EYS: variants seen among roughly 807,000 people sequenced by gnomAD.
The protein encoded by EYS is protein eyes shut homolog.
In EYS, 250 loss-of-function variants were observed where a neutral mutation model predicts 282.1. That is an observed-to-expected ratio of 0.89 (90% CI 0.80 to 0.98). The LOEUF is 0.98. Among genes scored for constraint, EYS ranks in the 50% least tolerant of loss-of-function variants. The pLI is 0.00. For missense variants in EYS, 4,016 were observed against 3,709.0 expected (o/e 1.08, Z -2.15); for synonymous variants, 1,355 against 1,282.9 (o/e 1.06, Z -1.20).
At chr6:64,584,325 A>C (rs1766164726) in intron 26 of EYS, among the ~76,000 whole-genome samples, 1 of 151,908 alleles carries the variant, frequency 6.6e-6, no homozygotes, top group African/African-American at 2.4e-5. Flanking sequence ...TCCTATAGGA[A>C]GAGAGAAACA....
At chr6:65,638,956 T>G (rs1367793660) in intron 2 of EYS, among the ~76,000 whole-genome samples, 1 of 152,188 alleles carries the variant, frequency 6.6e-6, no homozygotes, top group Non-Finnish European at 1.5e-5. Context: ...ATTTAGAAAT[T>G]GTGAAGTCAC....
chr6:65,594,497 C>T (rs1437503834), intron 2 of EYS, among the ~76,000 whole-genome samples: 1 of 151,838 alleles, frequency 6.6e-6, no homozygotes, highest in Non-Finnish European at 1.5e-5. Flanking sequence ...GAGACATTTT[C>T]CTTTTTTTAT....
chr6:64,413,335 G>A (rs530709391), intron 28 of EYS, among the ~76,000 whole-genome samples: 83 of 152,110 alleles, frequency 5.5e-4, no homozygotes, highest in Non-Finnish European at 8.5e-4. Flanking sequence ...TTAGTCTCCC[G>A]ATGCTTCCCT....
chr6:64,270,409 G>T (rs1390562274), intron 30 of EYS, among the ~76,000 whole-genome samples: 2 of 151,966 alleles, frequency 1.3e-5, no homozygotes, highest in Non-Finnish European at 2.9e-5. Flanking sequence ...TTCTCCTTCT[G>T]CAGACCTAGC....
chr6:65,466,561 T>C (rs1354357111), intron 5 of EYS, among the ~76,000 whole-genome samples: 5 of 151,686 alleles, frequency 3.3e-5, no homozygotes, highest in Admixed American at 3.3e-4. Flanking sequence ...CATTTACTAC[T>C]GTCCTAGAGG....
In EYS at chr6:65,255,660, A is replaced by G. The variant is rs143715933; in HGVS notation, c.2023+40203T>C. Among the ~76,000 whole-genome samples the G allele has an allele frequency of 5.0e-4, 76 of 152,196 alleles. No individual in the cohort carries two copies. In the East Asian group the frequency reaches 0.014, roughly 27 times the overall value. On this transcript the variant is annotated intron_variant, in intron 12 of 42. Transcript: ENST00000503581. Reference sequence around the variant, plus strand: ...ATATATAAGGAGCTCAAATAACAGGAAAAAATCAAATAATCAAATTAAAAA... The same window carrying G: ...ATATATAAGGAGCTCAAATAACAGGGAAAAATCAAATAATCAAATTAAAAA...
rs528243774 is a variant in EYS at position 64,811,188 on chromosome 6, T to C, written c.3443+2190A>G. Among the ~76,000 whole-genome samples, 45 of 152,160 alleles carry C rather than the reference T, an allele frequency of 3.0e-4. No homozygotes were observed. The South Asian group carries it at 9.3e-3, about 32-fold the overall frequency. On this transcript the variant is annotated intron_variant, in intron 22 of 42. Coordinates refer to ENST00000503581, the MANE Select transcript of EYS (RefSeq NM_001142800.2). Reference sequence around the variant, plus strand: ...TGGCACCAGCTCTGACTTCTCATAGTGTAGCGTGGAGTCCCAGTAGAAACT... The same window carrying C: ...TGGCACCAGCTCTGACTTCTCATAGCGTAGCGTGGAGTCCCAGTAGAAACT...
At chr6:64,318,187 C>G (rs1770055063) in intron 29 of EYS, among the ~76,000 whole-genome samples, 1 of 151,700 alleles carries the variant, frequency 6.6e-6, no homozygotes, top group Non-Finnish European at 1.5e-5. Context: ...AAAAAAACAC[C>G]CAGAATTCTC....
chr6:63,858,112 C>T (rs554521752), intron 36 of EYS, among the ~76,000 whole-genome samples: 2 of 152,050 alleles, frequency 1.3e-5, no homozygotes, highest in South Asian at 4.1e-4. Context: ...CTTAGCAAAA[C>T]GAGAAGATTT....
At chr6:63,756,808 T>G (rs1000363624) in intron 41 of EYS, among the ~76,000 whole-genome samples, 1 of 152,194 alleles carries the variant, frequency 6.6e-6, no homozygotes, top group African/African-American at 2.4e-5. Flanking sequence ...CTGCAATCTC[T>G]GAACATAAAT....
At chr6:64,898,790 G>T (rs1160364184) in intron 18 of EYS, among the ~76,000 whole-genome samples, 3 of 149,518 alleles carry the variant, frequency 2.0e-5, no homozygotes, top group African/African-American at 7.4e-5. Flanking sequence ...AAAAATAAAA[G>T]AAATCAGGTG....
chr6:63,827,229 C>A (rs1042265967), intron 36 of EYS, among the ~76,000 whole-genome samples: 9 of 152,142 alleles, frequency 5.9e-5, no homozygotes, highest in African/African-American at 2.2e-4. Flanking sequence ...ATATCACAAA[C>A]CTAAACACAT....
intron 12 of EYS, among the ~76,000 whole-genome samples, chr6:65,159,976 A>G (rs1272423933): frequency 6.6e-6 from 1 of 151,078 alleles, no homozygotes; most frequent in Non-Finnish European, 1.5e-5. Flanking sequence ...GATTGATGGG[A>G]CATGGGAAAT....
At chr6:65,241,244 CTTGAAT>C (rs908788956) in intron 12 of EYS, among the ~76,000 whole-genome samples, 6 of 152,136 alleles carry the variant, frequency 3.9e-5, no homozygotes, top group African/African-American at 1.4e-4. Flanking sequence ...ATAAAACTTA[CTTGAAT>C]TTAAGTGACC....
At chr6:64,152,067 A>C (rs1017694054) in intron 31 of EYS, among the ~76,000 whole-genome samples, 8 of 152,138 alleles carry the variant, frequency 5.3e-5, no homozygotes, top group Non-Finnish European at 7.4e-5. Flanking sequence ...CAGGTTTTTA[A>C]ACATGTGCTT....
chr6:63,765,433 C>T (rs1298902427), intron 40 of EYS, among the ~76,000 whole-genome samples: 1 of 151,560 alleles, frequency 6.6e-6, no homozygotes, highest in East Asian at 1.9e-4. Context: ...AATGTATGCA[C>T]TGAAAGGAGG....
intron 30 of EYS, among the ~76,000 whole-genome samples, chr6:64,245,217 T>C (rs1766973522): frequency 6.6e-6 from 1 of 152,174 alleles, no homozygotes; most frequent in South Asian, 2.1e-4. Context: ...CATGGAATAC[T>C]ATGCAGTCAT....
chr6:64,674,546 G>A (rs1369516582), intron 22 of EYS, among the ~76,000 whole-genome samples: 1 of 152,012 alleles, frequency 6.6e-6, no homozygotes, highest in Non-Finnish European at 1.5e-5. Context: ...AAATTATGAA[G>A]TGATGGATAT....
intron 8 of EYS, among the ~76,000 whole-genome samples, chr6:65,381,640 T>A (rs12529964): frequency 0.22 from 33,888 of 151,886 alleles, 4,420 homozygotes; most frequent in Non-Finnish European, 0.3. Flanking sequence ...AAAATAAAAT[T>A]AAATTTAAAA....
Sources: allele counts gnomAD v4.1 joint callset (sites outside exome capture counted in the v4.1 genomes callset), GRCh38; gene constraint gnomAD v4.1.1; transcripts MANE v1.5; gene names NCBI Gene and HGNC (gene_info 2026-07-23, HGNC 2026-07-21).